The following CDK8 variants were observed in gnomAD, a reference collection of about 807,000 sequenced individuals.
The protein encoded by CDK8 is cyclin dependent kinase 8.
In CDK8, 29 loss-of-function variants were observed where a neutral mutation model predicts 71.5. The observed-to-expected ratio is 0.41, with a 90% confidence interval of 0.30 to 0.55. The LOEUF is 0.55. Among genes scored for constraint, CDK8 ranks in the 20% least tolerant of loss-of-function variants. The pLI, the probability that CDK8 is intolerant of heterozygous loss-of-function variation, is 0.37. For synonymous variants in CDK8, 161 were observed against 192.1 expected (o/e 0.84, Z 1.34); for missense variants, 288 against 572.6 (o/e 0.50, Z 5.07).
chr13:26,339,747 T>TAAAAA (rs759709011), intron 2 of CDK8, among the ~76,000 whole-genome samples: 2 of 29,916 alleles, frequency 6.7e-5, no homozygotes, highest in African/African-American at 1.3e-4. Context: ...TATAATTACT[T>TAAAAA]AAAAAAAAAA....
intron 8 of CDK8, 126 bp from the exon 9 acceptor site, chr13:26,397,027 C>G (rs1355033918): frequency 9.4e-6 from 6 of 640,498 alleles, no homozygotes; most frequent in Non-Finnish European, 2.8e-6. Flanking sequence ...TCATTTTATG[C>G]TCATAGTGTT....
chr13:26,326,694 A>T (rs1431035574), intron 1 of CDK8, among the ~76,000 whole-genome samples: 1 of 152,196 alleles, frequency 6.6e-6, no homozygotes. Flanking sequence ...GCGATGCTAT[A>T]ATTCAGAGCC....
chr13:26,263,286 C>T (rs1390968577), intron 1 of CDK8, among the ~76,000 whole-genome samples: 1 of 152,088 alleles, frequency 6.6e-6, no homozygotes, highest in Non-Finnish European at 1.5e-5. Flanking sequence ...CAGGCGCCCG[C>T]CACCACACCC....
At chr13:26,301,213 T>C (rs1362280793) in intron 1 of CDK8, among the ~76,000 whole-genome samples, 2 of 39,118 alleles carry the variant, frequency 5.1e-5, no homozygotes, top group African/African-American at 2.1e-4. Flanking sequence ...ATCAGTAGAC[T>C]TTTTTTTTTT....
At chr13:26,293,875 T>C (rs914271415) in intron 1 of CDK8, among the ~76,000 whole-genome samples, 1 of 152,082 alleles carries the variant, frequency 6.6e-6, no homozygotes, top group Admixed American at 6.6e-5. Flanking sequence ...ACCTTATTTT[T>C]CCTGCTTAAT....
intron 4 of CDK8, among the ~76,000 whole-genome samples, chr13:26,368,751 A>G (rs1275960796): frequency 7.2e-5 from 11 of 152,226 alleles, no homozygotes. Context: ...TTAAAGGTAA[A>G]AGATGTTCCC....
intron 1 of CDK8, among the ~76,000 whole-genome samples, chr13:26,328,963 T>C (rs1348729960): frequency 6.6e-6 from 1 of 152,222 alleles, no homozygotes; most frequent in African/African-American, 2.4e-5. Context: ...TTCTCTGCCA[T>C]TGCATGATTT....
chr13:26,354,346 T>G (rs1386654482), intron 4 of CDK8, among the ~76,000 whole-genome samples: 2 of 152,256 alleles, frequency 1.3e-5, no homozygotes, highest in Non-Finnish European at 2.9e-5. Flanking sequence ...TTATTAATCA[T>G]AATTGAAGTA....
chr13:26,321,978 A>C (rs957163229), intron 1 of CDK8, among the ~76,000 whole-genome samples: 1 of 152,182 alleles, frequency 6.6e-6, no homozygotes, highest in Admixed American at 6.5e-5. Context: ...TGACTTCAAC[A>C]TGTATCTTAA....
In CDK8 at chr13:26,258,670, G is replaced by C. The variant is rs1171195381; in HGVS notation, c.128+3901G>C. On this transcript the variant is annotated intron_variant, in intron 1 of 12. Transcript: ENST00000381527. ...ATTTGCCCTTATAGCTCTTAGTAGG[G>C]GGGTTTCAGCATATAATTTTTAGGG... Among the ~76,000 whole-genome samples the C allele has an allele frequency of 2.6e-5, 4 of 151,998 alleles. No homozygotes were observed. The East Asian group carries it at 7.7e-4, about 29-fold the overall frequency.
chr13:26,286,688 G>A (rs1873036848), intron 1 of CDK8, among the ~76,000 whole-genome samples: 1 of 152,184 alleles, frequency 6.6e-6, no homozygotes, highest in African/African-American at 2.4e-5. Flanking sequence ...CTTCTGCACA[G>A]TAAAAGAAAT....
Position 26,369,448 on chromosome 13 carries a change from CAAAAAAA to C in CDK8, c.457-13349_457-13343del, listed in dbSNP as rs1162252506. ...GGGGTGACAGAGTGAGACCCTGTCT[CAAAAAAA>C]AAAAAAAAAAAAAAAAGTAAAAGTC... On this transcript the variant is annotated intron_variant, in intron 4 of 12. Transcript: ENST00000381527. Among the ~76,000 whole-genome samples the C allele has an allele frequency of 3.2e-3, 151 of 46,680 alleles. 2 individuals carry two copies. The South Asian group carries it at 0.053, about 17-fold the overall frequency. The allele number at this position is 46,680 out of a possible 152,430, so 30.6% of individuals were successfully genotyped here.
At chr13:26,403,428 G>A (rs1051781270) in intron 12 of CDK8, among the ~76,000 whole-genome samples, 2 of 151,994 alleles carry the variant, frequency 1.3e-5, no homozygotes, top group Non-Finnish European at 2.9e-5. Flanking sequence ...ACTCCAGCCT[G>A]GATGATAGAG....
At chr13:26,363,138 G>A (rs1452681810) in intron 4 of CDK8, among the ~76,000 whole-genome samples, 2 of 149,866 alleles carry the variant, frequency 1.3e-5, no homozygotes, top group Admixed American at 6.7e-5. Context: ...TGGCTAACAC[G>A]GTGAAACCCC....
intron 1 of CDK8, among the ~76,000 whole-genome samples, chr13:26,309,633 C>T (rs1448806865): frequency 6.6e-6 from 1 of 151,998 alleles, no homozygotes. Flanking sequence ...TTTTTCTCTC[C>T]CTACATTCTC....
At chr13:26,356,773 T>C (rs1207129971) in intron 4 of CDK8, among the ~76,000 whole-genome samples, 2 of 152,208 alleles carry the variant, frequency 1.3e-5, no homozygotes, top group Non-Finnish European at 2.9e-5. Flanking sequence ...TTTTTTAACA[T>C]TTTTTCTCAA....
chr13:26,291,230 A>G (rs1338354786), intron 1 of CDK8, among the ~76,000 whole-genome samples: 3 of 152,164 alleles, frequency 2.0e-5, no homozygotes, highest in Non-Finnish European at 4.4e-5. Flanking sequence ...AATGAGCTAT[A>G]TCATATAGCC....
chr13:26,337,800 G>T (rs1410969142), intron 2 of CDK8, among the ~76,000 whole-genome samples, 158 bp downstream of exon 2: 1 of 151,960 alleles, frequency 6.6e-6, no homozygotes, highest in East Asian at 1.9e-4. Flanking sequence ...AGAAGTAAAG[G>T]GGTCATGTAG....
intron 1 of CDK8, among the ~76,000 whole-genome samples, chr13:26,289,147 C>T (rs532628497): frequency 2.0e-5 from 3 of 147,434 alleles, no homozygotes; most frequent in South Asian, 2.2e-4. Context: ...CTCTGCCTTC[C>T]GGGTTCAAGC....
Sources: gnomAD v4.1 joint callset for allele counts (sites outside exome capture counted in the v4.1 genomes callset) on GRCh38, gnomAD v4.1.1 for gene constraint, MANE v1.5 for transcripts, NCBI Gene and HGNC (gene_info 2026-07-23, HGNC 2026-07-21) for gene names.